Variants in NDE1 observed in about 807,000 individuals in gnomAD.
NDE1 encodes nuclear distribution protein nudE homolog 1.
In NDE1, 28 loss-of-function variants were observed where a neutral mutation model predicts 43.4. That is an observed-to-expected ratio of 0.65 (90% CI 0.48 to 0.89). The LOEUF (loss-of-function observed/expected upper bound fraction) is 0.89. Among genes scored for constraint, NDE1 ranks in the 40% least tolerant of loss-of-function variants. The pLI is 0.00. For missense variants in NDE1, 441 were observed against 434.1 expected, an observed-to-expected ratio of 1.02 and a Z score of -0.14; for synonymous variants, 184 against 172.0, an observed-to-expected ratio of 1.07 and a Z score of -0.55.
At chr16:15,715,423 C>A (rs1032103033) in intron 8 of NDE1, 69 of 743,278 alleles carry the variant, frequency 9.3e-5, no homozygotes, top group Admixed American at 4.1e-5. Flanking sequence ...TAGTATTCAG[C>A]CATGAAAAGG....
intron 8 of NDE1, chr16:15,704,211 T>A: frequency 1.3e-6 from 2 of 1,507,346 alleles, no homozygotes; most frequent in Non-Finnish European, 1.8e-6. Flanking sequence ...AACTTGTAGC[T>A]ATAGTCCTAT....
At chr16:15,712,247 C>G (rs999247354) in intron 8 of NDE1, among the ~76,000 whole-genome samples, 1 of 152,098 alleles carries the variant, frequency 6.6e-6, no homozygotes, top group Non-Finnish European at 1.5e-5. Context: ...GTCTGAGGTT[C>G]TAGGAAGAAG....
chr16:15,698,020 T>C (rs1055373856), intron 8 of NDE1, among the ~76,000 whole-genome samples: 3 of 151,994 alleles, frequency 2.0e-5, no homozygotes, highest in Admixed American at 6.6e-5. Flanking sequence ...GTTAGGATGG[T>C]CTTGATCTCG....
intron 8 of NDE1, chr16:15,717,203 G>GATTTGA: frequency 1.2e-6 from 2 of 1,614,196 alleles, no homozygotes; most frequent in Non-Finnish European, 1.7e-6. Flanking sequence ...CGCGATGGTG[G>GATTTGA]ACTTGAACTT....
chr16:15,725,114 C>G lies in NDE1; in HGVS notation c.*863C>G, dbSNP rs12927605. On this transcript the variant is annotated 3_prime_UTR_variant, in exon 9 of 9. Transcript: ENST00000396354. Reference sequence around the variant, plus strand: ...GGTGTTCACTGATTGAGAAAATACCCGTGAGGTATGGGACTCTGATAAAAA... The same window carrying G: ...GGTGTTCACTGATTGAGAAAATACCGGTGAGGTATGGGACTCTGATAAAAA... The G allele has an allele frequency of 5.3e-3, 4,005 of 757,712 alleles. 55 individuals are homozygous for G. Among genetic ancestry groups the G allele is most frequent in the South Asian group, 0.023 (1,580 of 67,668 alleles). The allele number at this position is 757,712 out of a possible 1,614,324, so 46.9% of individuals were successfully genotyped here. A position where few individuals can be genotyped will look rare whatever the true frequency, so the allele number is the denominator to read the frequency against.
chr16:15,674,322 CA>C (rs887563614), intron 3 of NDE1, among the ~76,000 whole-genome samples: 50 of 151,858 alleles, frequency 3.3e-4, no homozygotes, highest in Admixed American at 2.6e-4. Flanking sequence ...CTGCTCACTG[CA>C]ACCTCCGCCT....
chr16:15,666,047 C>A (rs540534733), intron 2 of NDE1, among the ~76,000 whole-genome samples: 2 of 152,036 alleles, frequency 1.3e-5, no homozygotes, highest in African/African-American at 4.8e-5. Context: ...TGAGCCACCA[C>A]GCCCGGTGTC....
At chr16:15,717,398 A>G in intron 8 of NDE1, 1 of 1,585,404 alleles carries the variant, frequency 6.3e-7, no homozygotes, top group Non-Finnish European at 8.6e-7. Flanking sequence ...AGCCCAAGAG[A>G]GCGCACTGAG....
Position 15,720,738 on chromosome 16 carries a change from AAAAT to A in NDE1, c.948-3449_948-3446del, listed in dbSNP as rs1233019278. ...ACAGAGCGAGACTCTGTTTCAAAAA[AAAAT>A]AAAGAAAACGAAGTTTCCACACCAA... On this transcript the variant is annotated intron_variant, in intron 8 of 8. Coordinates refer to ENST00000396354, the MANE Select transcript of NDE1 (RefSeq NM_017668.3). 11 of 1,336,930 alleles carry A rather than the reference AAAAT, an allele frequency of 8.2e-6. No individual in the cohort carries two copies. In the African/African-American group the frequency reaches 1.0e-4, roughly 12 times the overall value. The allele number at this position is 1,336,930 out of a possible 1,614,324, so 82.8% of individuals were successfully genotyped here. A position where few individuals can be genotyped will look rare whatever the true frequency, so the allele number is the denominator to read the frequency against.
chr16:15,708,896 G>A lies in NDE1; in HGVS notation c.947+12036G>A, dbSNP rs188611430. 32 of 1,512,600 alleles carry A rather than the reference G, an allele frequency of 2.1e-5. No homozygotes were observed. In the South Asian group the frequency reaches 3.2e-4, roughly 15 times the overall value. The allele number at this position is 1,512,600 out of a possible 1,614,324, so 93.7% of individuals were successfully genotyped here. A position where few individuals can be genotyped will look rare whatever the true frequency, so the allele number is the denominator to read the frequency against. ...ACCATCAGCAAACAAGAAGGAGCCC[G>A]GTTAAGTATATTCTTAATTGTTAAA... On this transcript the variant is annotated intron_variant, in intron 8 of 8. Coordinates refer to ENST00000396354, the MANE Select transcript of NDE1 (RefSeq NM_017668.3).
rs115378830 is a variant in NDE1, at chr16:15,689,288, A to G, written c.523+1777A>G. ...GAGGATTGCTTGAGCCTAGGAGTTC[A>G]AGATGAGCCTGGACAACATAGTGAT... On this transcript the variant is annotated intron_variant, in intron 5 of 8. Coordinates refer to ENST00000396354, the MANE Select transcript of NDE1 (RefSeq NM_017668.3). Among the ~76,000 whole-genome samples the G allele has an allele frequency of 7.9e-3, 1,205 of 152,302 alleles. 19 individuals are homozygous for G. Among genetic ancestry groups the G allele is most frequent in the African/African-American group, 0.028 (1,172 of 41,566 alleles).
At chr16:15,718,078 C>G (rs2151200502) in intron 8 of NDE1, 1 of 630,712 alleles carries the variant, frequency 1.6e-6, no homozygotes, top group Non-Finnish European at 2.7e-6. Flanking sequence ...GTACGGGGAG[C>G]CAGCCACGCC....
chr16:15,688,497 G>A (rs2038553959), intron 5 of NDE1, among the ~76,000 whole-genome samples: 1 of 151,264 alleles, frequency 6.6e-6, no homozygotes, highest in African/African-American at 2.4e-5. Flanking sequence ...TGAGGGTATG[G>A]TGGTGGGTGC....
intron 8 of NDE1, among the ~76,000 whole-genome samples, chr16:15,705,061 C>T (rs1402287507): frequency 6.6e-6 from 1 of 152,198 alleles, no homozygotes; most frequent in African/African-American, 2.4e-5. Flanking sequence ...CTCACTGCAA[C>T]CTCTGCCTCC....
intron 4 of NDE1, among the ~76,000 whole-genome samples, chr16:15,681,422 A>C (rs533793914): frequency 6.6e-6 from 1 of 150,646 alleles, no homozygotes; most frequent in African/African-American, 2.4e-5. Flanking sequence ...GTGCCACTAT[A>C]CCTGGCTAAT....
At chr16:15,654,576 G>A (rs1460144239) in intron 1 of NDE1, among the ~76,000 whole-genome samples, 1 of 135,082 alleles carries the variant, frequency 7.4e-6, no homozygotes, top group Admixed American at 8.1e-5. Context: ...ACTCCAGCCT[G>A]GGCAACAGAG....
intron 4 of NDE1, among the ~76,000 whole-genome samples, chr16:15,678,893 G>A (rs1305876790): frequency 6.6e-6 from 1 of 151,968 alleles, no homozygotes; most frequent in Admixed American, 6.6e-5. Flanking sequence ...TGGCTAACAT[G>A]GTGAAAACCC....
Position 15,716,993 on chromosome 16 carries a change from TCTCA to T in NDE1, c.948-7196_948-7193del, listed in dbSNP as rs2040186629. ...GCACTTTGCTGTGTTTACGTTCAGT[TCTCA>T]CAACATACCTGCACTGTAGGCATCA... is the stretch of plus-strand genomic sequence containing the variant. On this transcript the variant is annotated intron_variant, in intron 8 of 8. Coordinates refer to ENST00000396354, the MANE Select transcript of NDE1 (RefSeq NM_017668.3). 7.5e-6 allele frequency: 7 copies of T among 932,654 alleles called. No homozygotes were observed. The Admixed American group carries it at 1.2e-4, about 16-fold the overall frequency. 57.8% of individuals were successfully genotyped at this position (932,654 alleles called of 1,614,324 possible).
chr16:15,673,452 G>T (rs796330471), intron 3 of NDE1, among the ~76,000 whole-genome samples: 11 of 152,076 alleles, frequency 7.2e-5, no homozygotes, highest in African/African-American at 2.7e-4. Context: ...TGATCTGCCC[G>T]CCTTGGCCTC....
Sources: gnomAD v4.1 joint callset for allele counts (sites outside exome capture counted in the v4.1 genomes callset) on GRCh38, gnomAD v4.1.1 for gene constraint, MANE v1.5 for transcripts, NCBI Gene and HGNC (gene_info 2026-07-23, HGNC 2026-07-21) for gene names.